The following NF2 variants were observed in gnomAD, a reference collection of about 807,000 sequenced individuals.
NF2 encodes the protein NF2, moesin-ezrin-radixin like (MERLIN) tumor suppressor.
A neutral mutation model predicts 83.7 loss-of-function variants in NF2; 8 were observed. That is an observed-to-expected ratio of 0.10 (90% CI 0.06 to 0.17). The LOEUF is 0.17. NF2 is among the 10% of genes least tolerant of loss of function. The pLI, the probability that NF2 is intolerant of heterozygous loss-of-function variation, is 1.00. For missense variants in NF2, 533 were observed against 744.4 expected, an observed-to-expected ratio of 0.72 and a Z score of 3.31; for synonymous variants, 266 against 269.6, an observed-to-expected ratio of 0.99 and a Z score of 0.13.
chr22:29,677,580 C>A (rs2348688), intron 13 of NF2, among the ~76,000 whole-genome samples: 111,536 of 151,654 alleles, frequency 0.74, 41,842 homozygotes, highest in East Asian at 0.91. Context: ...CTCGGTGGGC[C>A]GGTGGGGAGC....
chr22:29,614,020 G>A (rs1240739584), intron 1 of NF2, among the ~76,000 whole-genome samples: 1 of 150,976 alleles, frequency 6.6e-6, no homozygotes, highest in Admixed American at 6.6e-5. Context: ...GCCTCCCAAA[G>A]TGCTGGGATT....
intron 6 of NF2, 40 bp downstream of exon 6, chr22:29,655,716 CTTTT>C (rs36029478): frequency 2.6e-3 from 3,096 of 1,174,140 alleles, no homozygotes; most frequent in Admixed American, 4.1e-3. Flanking sequence ...CCTTTATGGG[CTTTT>C]TTTTTTTTTT....
chr22:29,665,245 T>G (rs1157642306), intron 9 of NF2, among the ~76,000 whole-genome samples, 181 bp downstream of exon 9: 2 of 152,082 alleles, frequency 1.3e-5, no homozygotes, highest in African/African-American at 2.4e-5. Context: ...AGTTTTTTTT[T>G]TTGTTTTTTT....
chr22:29,656,761 T>C (rs1357815478), intron 6 of NF2, among the ~76,000 whole-genome samples: 1 of 152,150 alleles, frequency 6.6e-6, no homozygotes. Context: ...GTGAGCATTT[T>C]GCATTTTGCC....
At chr22:29,672,555 G>A (rs1341379179) in intron 11 of NF2, among the ~76,000 whole-genome samples, 1 of 151,414 alleles carries the variant, frequency 6.6e-6, no homozygotes, top group African/African-American at 2.4e-5. Flanking sequence ...CTCGTGATCT[G>A]CCCGCCTCAG....
In NF2 at chr22:29,661,222, G is replaced by A. The variant is rs1250996695; in HGVS notation, c.693G>A (p.Glu231=). The change falls in exon 8 of 16, where the codon GAG becomes GAA. Residue 231 remains glutamate, a synonymous_variant. Transcript: ENST00000338641. ...ATCCACAGAATAAAAAGGGCACAGA[G>A]CTGCTGCTTGGAGTGGATGCCCTGG... ...YFAIRNKKGT[E]LLLGVDALGL... is the part of the protein sequence containing the mutation. 4 of 1,614,250 alleles carry A rather than the reference G, an allele frequency of 2.5e-6. No individual in the cohort carries two copies. The highest frequency in any genetic ancestry group is 3.4e-6 in the Non-Finnish European group (4 of 1,180,054).
At chr22:29,635,581 G>A (rs1228312605) in intron 1 of NF2, among the ~76,000 whole-genome samples, 2 of 152,164 alleles carry the variant, frequency 1.3e-5, no homozygotes, top group Non-Finnish European at 2.9e-5. Context: ...GCCTGCCTCA[G>A]CCTCCCAAAG....
intron 4 of NF2, among the ~76,000 whole-genome samples, chr22:29,646,354 C>T (rs1194019622): frequency 6.6e-6 from 1 of 152,214 alleles, no homozygotes; most frequent in Non-Finnish European, 1.5e-5. Context: ...TAAGTTAGCA[C>T]ATTGCACTTG....
intron 3 of NF2, among the ~76,000 whole-genome samples, 198 bp from the exon 4 acceptor site, chr22:29,642,004 G>A (rs1010351564): frequency 3.3e-5 from 5 of 152,108 alleles, no homozygotes; most frequent in Admixed American, 1.3e-4. Context: ...ATGCATAGCC[G>A]TCATACCAGT....
intron 1 of NF2, among the ~76,000 whole-genome samples, chr22:29,608,128 G>A (rs1357777193): frequency 3.6e-5 from 4 of 110,930 alleles, no homozygotes; most frequent in Non-Finnish European, 5.0e-5. Context: ...AGCCAAGATC[G>A]AGCCACTGCA....
chr22:29,603,839 C>G lies in NF2; in HGVS notation c.-160C>G. 1.7e-6 allele frequency: 1 copy of G among 598,414 alleles called. No homozygotes were observed. Among genetic ancestry groups the G allele is most frequent in the Non-Finnish European group, 2.9e-6 (1 of 340,856 alleles). The allele number at this position is 598,414 out of a possible 1,614,324, so 37.1% of individuals were successfully genotyped here. A position where few individuals can be genotyped will look rare whatever the true frequency, so the allele number is the denominator to read the frequency against. On this transcript the variant is annotated 5_prime_UTR_variant, in exon 1 of 16. Coordinates refer to ENST00000338641, the MANE Select transcript of NF2 (RefSeq NM_000268.4). ...TTCCGCTCAGGCAGGGTCCTCGCGG[C>G]CCATGCTGGCCGCTGGGGACCCGCG...
intron 13 of NF2, 52 bp downstream of exon 13, chr22:29,674,993 T>G: frequency 6.1e-6 from 9 of 1,466,146 alleles, no homozygotes; most frequent in South Asian, 1.2e-5. Flanking sequence ...TGATGTTCTC[T>G]TTCCTCCCGG....
At chr22:29,691,955 C>T (rs1189625345) in intron 15 of NF2, among the ~76,000 whole-genome samples, 2 of 152,218 alleles carry the variant, frequency 1.3e-5, no homozygotes, top group African/African-American at 2.4e-5. Context: ...GAAGCAGAGC[C>T]ATGGGGGTGG....
intron 15 of NF2, among the ~76,000 whole-genome samples, chr22:29,686,240 G>A (rs1237527403): frequency 6.6e-6 from 1 of 152,252 alleles, no homozygotes; most frequent in East Asian, 1.9e-4. Context: ...AGCAAAGGGC[G>A]AAGGACGGCA....
chr22:29,677,941 TC>T (rs1176373023), intron 13 of NF2, among the ~76,000 whole-genome samples: 7 of 151,474 alleles, frequency 4.6e-5, no homozygotes, highest in Non-Finnish European at 1.5e-5. Context: ...TGTGTTTGAT[TC>T]AGCTGAGCAT....
rs1008683571 is a variant in NF2 at position 29,691,339 on chromosome 22, T to G, written c.1738-3413T>G. 3.9e-5 allele frequency among the ~76,000 whole-genome samples: 6 copies of G among 152,226 alleles called. No homozygotes were observed. The South Asian group carries it at 8.3e-4, about 21-fold the overall frequency. ...TCAGTGCTCAACTCACAGTGCAACATAGGACAAGGTGAAGGCCTTCTTGGG... is the reference window on the plus strand; with the variant it reads ...TCAGTGCTCAACTCACAGTGCAACAGAGGACAAGGTGAAGGCCTTCTTGGG... On this transcript the variant is annotated intron_variant, in intron 15 of 15. Coordinates refer to ENST00000338641, the MANE Select transcript of NF2 (RefSeq NM_000268.4).
At chr22:29,688,519 C>T (rs1476561539) in intron 15 of NF2, among the ~76,000 whole-genome samples, 4 of 152,234 alleles carry the variant, frequency 2.6e-5, no homozygotes, top group Non-Finnish European at 5.9e-5. Flanking sequence ...AGTAGATAGC[C>T]GCCACCTGCC....
intron 3 of NF2, among the ~76,000 whole-genome samples, chr22:29,640,348 C>T (rs2065773649): frequency 6.6e-6 from 1 of 152,058 alleles, no homozygotes; most frequent in African/African-American, 2.4e-5. Context: ...ATTGTAAGCC[C>T]CTTAAAGGCA....
chr22:29,684,089 T>C, intron 15 of NF2: 3 of 243,422 alleles, frequency 1.2e-5, no homozygotes, highest in Non-Finnish European at 2.1e-5. Context: ...CTACTTGTGG[T>C]CGTTATCCCA....
Sources: allele counts gnomAD v4.1 joint callset (sites outside exome capture counted in the v4.1 genomes callset), GRCh38; gene constraint gnomAD v4.1.1; transcripts MANE v1.5; gene names NCBI Gene and HGNC (gene_info 2026-07-23, HGNC 2026-07-21).